GOLGA8H: variants seen among roughly 807,000 people sequenced by gnomAD.
GOLGA8H encodes golgin subfamily A member 8H.
A neutral mutation model predicts 82.7 loss-of-function variants in GOLGA8H; 47 were observed. The observed-to-expected ratio is 0.57, with a 90% CI of 0.45 to 0.73. The LOEUF is 0.73. Among genes scored for constraint, GOLGA8H ranks in the 30% least tolerant of loss-of-function variants. The probability of loss-of-function intolerance (pLI) is 0.00; values close to 1 mark genes in which losing one functional copy is unlikely to be tolerated. For synonymous variants in GOLGA8H, 108 were observed against 241.6 expected (o/e 0.45, Z 5.13); for missense variants, 372 against 661.0 (o/e 0.56, Z 4.79).
In GOLGA8H at chr15:30,614,776, CA is replaced by C. The variant is rs1181744362; in HGVS notation, c.*216del. ...TGATGTTCACTCTGGCATCCTTTAGCATTTTTCTTTTTTAATTTCATAATTG... is the reference window on the plus strand; with the variant it reads ...TGATGTTCACTCTGGCATCCTTTAGCTTTTTCTTTTTTAATTTCATAATTG... On this transcript the variant is annotated 3_prime_UTR_variant, in exon 19 of 19. Coordinates refer to ENST00000566740, the MANE Select transcript of GOLGA8H (RefSeq NM_001282490.2). 1.4e-5 allele frequency among the ~76,000 whole-genome samples: 2 copies of C among 145,206 alleles called. No homozygotes were observed. Among genetic ancestry groups the C allele is most frequent in the African/African-American group, 5.1e-5 (2 of 39,040 alleles).
Position 30,614,523 on chromosome 15 carries a change from T to C in GOLGA8H, c.1861T>C (p.Leu621=), listed in dbSNP as rs1228983636. 7 of 1,603,706 alleles carry C rather than the reference T, an allele frequency of 4.4e-6. No homozygotes were observed. Among genetic ancestry groups the C allele is most frequent in the Middle Eastern group, 2.2e-4 (1 of 4,480 alleles). Residue 621 remains leucine, a synonymous_variant, in exon 19 of 19, where the codon TTG becomes CTG. Coordinates refer to ENST00000566740, the MANE Select transcript of GOLGA8H (RefSeq NM_001282490.2). ...CTTGGGCAGCAACTGCTGTGTGCCA[T>C]TGTTGTGCTGGGCTTGGCTGCCAAG... is the stretch of plus-strand genomic sequence containing the variant. The part of the protein sequence containing the change: ...PGLGSNCCVP[L]LCWAWLPRRR...
intron 2 of GOLGA8H, among the ~76,000 whole-genome samples, chr15:30,606,184 C>G (rs1345709802): frequency 1.3e-5 from 2 of 151,464 alleles, no homozygotes; most frequent in Non-Finnish European, 1.5e-5. Context: ...GAAACCCTGT[C>G]TCTACTAAAA....
Position 30,617,506 on chromosome 15 carries a change from A to AAAAATTC in GOLGA8H, c.*2946_*2947insAAATTCA. On this transcript the variant is annotated 3_prime_UTR_variant, in exon 19 of 19. Transcript: ENST00000566740. ...ATCTTAATGTTCTGAAATAATTTAAAACATTTTAAAATATGAATACTGTAG... is the reference window on the plus strand; with the variant it reads ...ATCTTAATGTTCTGAAATAATTTAAAAAAATTCACATTTTAAAATATGAATACTGTAG... The AAAAATTC allele has an allele frequency of 6.6e-6, 1 of 150,728 alleles. No individual in the cohort carries two copies. Among genetic ancestry groups the AAAAATTC allele is most frequent in the South Asian group, 2.1e-4 (1 of 4,756 alleles). 9.3% of individuals were successfully genotyped at this position (150,728 alleles called of 1,614,324 possible). A position where few individuals can be genotyped will look rare whatever the true frequency, so the allele number is the denominator to read the frequency against.
chr15:30,607,690 T>C (rs2059943557), intron 4 of GOLGA8H: 1 of 567,738 alleles, frequency 1.8e-6, no homozygotes, highest in Non-Finnish European at 3.1e-6. Flanking sequence ...ACCTGGTCCA[T>C]ACATGCTCAG....
Position 30,604,276 on chromosome 15 carries a change from G to C in GOLGA8H, c.48+103G>C. The C allele has an allele frequency of 8.0e-6, 12 of 1,499,094 alleles. No individual in the cohort carries two copies. In the South Asian group the frequency reaches 1.3e-4, roughly 17 times the overall value. The allele number at this position is 1,499,094 out of a possible 1,614,324, so 92.9% of individuals were successfully genotyped here. On this transcript the variant is annotated intron_variant, in intron 1 of 18. Coordinates refer to ENST00000566740, the MANE Select transcript of GOLGA8H (RefSeq NM_001282490.2). ...ACGACTCCTGAGGCACACTGGACTGGTCCCCCCTACCCCGGTGCCTCTGGG... is the reference window on the plus strand; with the variant it reads ...ACGACTCCTGAGGCACACTGGACTGCTCCCCCCTACCCCGGTGCCTCTGGG...
At chr15:30,606,273 T>G (rs1192067040) in intron 2 of GOLGA8H, among the ~76,000 whole-genome samples, 1 of 151,176 alleles carries the variant, frequency 6.6e-6, no homozygotes, top group Non-Finnish European at 1.5e-5. Flanking sequence ...GAGAATGGTG[T>G]GAACCTGGGA....
At chr15:30,608,601 C>T in intron 7 of GOLGA8H, 46 bp from the exon 8 acceptor site, 1 of 1,604,380 alleles carries the variant, frequency 6.2e-7, no homozygotes, top group Non-Finnish European at 8.5e-7. Context: ...TTTGACAGGT[C>T]TTCAGGGGGA....
chr15:30,609,794 T>A lies in GOLGA8H; in HGVS notation c.592-12T>A. ...CTCTCCAGATTGAAACTTCTCACTC[T>A]TCACCATCCAGTTGTCCAGCCGCAG... On this transcript the variant is annotated splice_polypyrimidine_tract_variant and intron_variant, in intron 8 of 18. Transcript: ENST00000566740. The A allele has an allele frequency of 6.6e-7, 1 of 1,514,166 alleles. No homozygotes were observed. The highest frequency in any genetic ancestry group is 9.0e-7 in the Non-Finnish European group (1 of 1,107,712). 93.8% of individuals were successfully genotyped at this position (1,514,166 alleles called of 1,614,324 possible).
Position 30,609,993 on chromosome 15 carries a change from T to G in GOLGA8H, c.679-6T>G, listed in dbSNP as rs765229804. 55 of 1,611,160 alleles carry G rather than the reference T, an allele frequency of 3.4e-5. No homozygotes were observed. The highest frequency in any genetic ancestry group is 4.2e-5 in the Non-Finnish European group (49 of 1,179,556). The stretch of plus-strand genomic sequence containing the variant: ...CCCTTCCTAAGTTCTGTGCCCATTC[T>G]TGCAGTTGAAGGAGTCATTTCAACA... On this transcript the variant is annotated splice_polypyrimidine_tract_variant and splice_region_variant and intron_variant, in intron 9 of 18. Transcript: ENST00000566740.
chr15:30,609,337 G>GA (rs1310053541), intron 8 of GOLGA8H, among the ~76,000 whole-genome samples: 1 of 128,812 alleles, frequency 7.8e-6, no homozygotes, highest in Non-Finnish European at 1.6e-5. Flanking sequence ...TCCCCAGCAA[G>GA]AAAAACGGGC....
rs747671221 is a variant in GOLGA8H at position 30,608,580 on chromosome 15, C to T, written c.481+29C>T. ...GGAATCTGGGCACCCTGTCATCCTT[C>T]AACCTGGCACTTTGACAGGTCTTCA... On this transcript the variant is annotated intron_variant, in intron 7 of 18. Coordinates refer to ENST00000566740, the MANE Select transcript of GOLGA8H (RefSeq NM_001282490.2). The T allele has an allele frequency of 5.6e-5, 90 of 1,606,684 alleles. 1 individual carries two copies. The highest frequency in any genetic ancestry group is 4.6e-4 in the South Asian group (42 of 90,938).
intron 1 of GOLGA8H, 84 bp from the exon 2 acceptor site, chr15:30,605,759 G>A (rs2059914212): frequency 1.7e-5 from 27 of 1,555,478 alleles, no homozygotes; most frequent in South Asian, 3.5e-5. Flanking sequence ...TGGTGTGTAA[G>A]TGTATTTTGT....
chr15:30,610,140 A>G, intron 10 of GOLGA8H, 34 bp downstream of exon 10: 1 of 1,609,152 alleles, frequency 6.2e-7, no homozygotes, highest in African/African-American at 1.3e-5. Context: ...CCCACATTAG[A>G]TAGGTCACTG....
chr15:30,612,783 G>A (rs2060043614), intron 14 of GOLGA8H, 111 bp downstream of exon 14: 5 of 1,183,624 alleles, frequency 4.2e-6, no homozygotes, highest in East Asian at 2.5e-5. Context: ...TGGTCATTAT[G>A]CCGACCGGGT....
chr15:30,609,994 T>C lies in GOLGA8H; in HGVS notation c.679-5T>C. The C allele has an allele frequency of 6.2e-7, 1 of 1,611,264 alleles. No homozygotes were observed. Among genetic ancestry groups the C allele is most frequent in the South Asian group, 1.1e-5 (1 of 91,002 alleles). ...CCTTCCTAAGTTCTGTGCCCATTCT[T>C]GCAGTTGAAGGAGTCATTTCAACAA... On this transcript the variant is annotated splice_polypyrimidine_tract_variant and splice_region_variant and intron_variant, in intron 9 of 18. Transcript: ENST00000566740.
intron 8 of GOLGA8H, among the ~76,000 whole-genome samples, chr15:30,609,563 G>A (rs1024890952): frequency 6.0e-5 from 9 of 150,674 alleles, no homozygotes; most frequent in Non-Finnish European, 8.9e-5. Context: ...AATAATAACA[G>A]TAATAACAAT....
At position 30,609,888 on chromosome 15, in the gene GOLGA8H, C is replaced by G. The variant is rs767343931; in HGVS notation, c.674C>G (p.Thr225Arg). ...GAGGCACTACTGAAAGTGCAGCTGA[C>G]ACAGGTGAGGTTTTCTGAGGGAGTT... ...REEALLKVQL[T>R]QLKESFQQVQ... The change falls in exon 9 of 19, where the codon ACA becomes AGA. Residue 225 changes from threonine to arginine, a missense_variant. By Grantham distance (71) the Thr-to-Arg change is moderately conservative. Coordinates refer to ENST00000566740, the MANE Select transcript of GOLGA8H (RefSeq NM_001282490.2). 22 of 1,589,436 alleles carry G rather than the reference C, an allele frequency of 1.4e-5. No homozygotes were observed. The highest frequency in any genetic ancestry group is 1.4e-4 in the African/African-American group (10 of 73,744).
rs1166314465 is a variant in GOLGA8H, at chr15:30,604,176, A to G, written c.48+3A>G. 5.5e-6 allele frequency: 7 copies of G among 1,266,210 alleles called. 1 individual carries two copies. In the East Asian group the frequency reaches 1.2e-4, roughly 22 times the overall value. 78.4% of individuals were successfully genotyped at this position (1,266,210 alleles called of 1,614,324 possible). On this transcript the variant is annotated splice_donor_region_variant and intron_variant, in intron 1 of 18. Coordinates refer to ENST00000566740, the MANE Select transcript of GOLGA8H (RefSeq NM_001282490.2). ...AATTGGCTGCAGCCAAGAAAAAGGTAAAAACGCACTAGGTCATAGACCCTC... is the reference window on the plus strand; with the variant it reads ...AATTGGCTGCAGCCAAGAAAAAGGTGAAAACGCACTAGGTCATAGACCCTC...
chr15:30,612,572 T>C, intron 13 of GOLGA8H, 25 bp from the exon 14 acceptor site: 1 of 1,594,724 alleles, frequency 6.3e-7, no homozygotes, highest in African/African-American at 1.4e-5. Context: ...ACTCCACCCC[T>C]TCTCACTCTG....
Sources: gnomAD v4.1 joint callset for allele counts (sites outside exome capture counted in the v4.1 genomes callset) on GRCh38, gnomAD v4.1.1 for gene constraint, MANE v1.5 for transcripts, NCBI Gene and HGNC (gene_info 2026-07-23, HGNC 2026-07-21) for gene names.